CLDN10: variants seen among roughly 807,000 people sequenced by gnomAD.
CLDN10 encodes the protein claudin-10.
In CLDN10, 15 loss-of-function variants were observed where a neutral mutation model predicts 22.9. That is an observed-to-expected ratio of 0.65 (90% CI 0.44 to 1.01). The LOEUF is 1.01. Among genes scored for constraint, CLDN10 ranks in the 50% least tolerant of loss-of-function variants. CLDN10 has a pLI of 0.00. For synonymous variants in CLDN10, 114 were observed against 111.4 expected (o/e 1.02, Z -0.15); for missense variants, 247 against 287.8 (o/e 0.86, Z 1.03).
At chr13:95,512,697 C>A (rs2043117822) in intron 1 of CLDN10, among the ~76,000 whole-genome samples, 1 of 152,160 alleles carries the variant, frequency 6.6e-6, no homozygotes, top group Non-Finnish European at 1.5e-5. Flanking sequence ...CCACGCTGGC[C>A]ATGCTTTCAA....
intron 1 of CLDN10, among the ~76,000 whole-genome samples, chr13:95,485,057 A>G (rs2042791196): frequency 6.6e-6 from 1 of 152,028 alleles, no homozygotes; most frequent in South Asian, 2.1e-4. Flanking sequence ...GGCAGCAGGT[A>G]ATTAGTCACA....
intron 1 of CLDN10, among the ~76,000 whole-genome samples, chr13:95,505,150 G>A (rs186224971): frequency 2.0e-5 from 3 of 152,274 alleles, no homozygotes; most frequent in Admixed American, 2.0e-4. Flanking sequence ...CCATGAAAAG[G>A]TGTGTTCCTT....
At chr13:95,474,525 T>A (rs999159718) in intron 1 of CLDN10, among the ~76,000 whole-genome samples, 8 of 152,298 alleles carry the variant, frequency 5.3e-5, no homozygotes, top group Admixed American at 3.3e-4. Context: ...GAGGCTGCTA[T>A]GAGCACAGAG....
At position 95,510,627 on chromosome 13, in the gene CLDN10, TTTGAA is replaced by T. The variant is rs199972870; in HGVS notation, c.215-49501_215-49497del. ...CCATAATCTTTTCTATACCTTCATG[TTTGAA>T]TTGTTTTTATGGCTTAAGTATATAC... is the stretch of plus-strand genomic sequence containing the variant. On this transcript the variant is annotated intron_variant, in intron 1 of 4. Transcript: ENST00000376873. Among the ~76,000 whole-genome samples the T allele has an allele frequency of 1.3e-3, 196 of 152,290 alleles. 3 individuals are homozygous for T. In the East Asian group the frequency reaches 0.035, roughly 27 times the overall value.
chr13:95,528,762 G>T (rs1346325870), intron 1 of CLDN10, among the ~76,000 whole-genome samples: 1 of 152,220 alleles, frequency 6.6e-6, no homozygotes, highest in East Asian at 1.9e-4. Context: ...CCACGGCAAA[G>T]CCACTGAAGG....
chr13:95,504,779 C>G (rs943491692), intron 1 of CLDN10, among the ~76,000 whole-genome samples: 4 of 152,066 alleles, frequency 2.6e-5, no homozygotes, highest in Admixed American at 2.0e-4. Flanking sequence ...CTCAAGTGAT[C>G]CCCCCACCTC....
chr13:95,553,619 G>C (rs2043596422), intron 1 of CLDN10, among the ~76,000 whole-genome samples: 1 of 152,242 alleles, frequency 6.6e-6, no homozygotes, highest in Non-Finnish European at 1.5e-5. Flanking sequence ...GAAAATAATA[G>C]CCCTTGCGGT....
At chr13:95,523,853 A>T (rs35458901) in intron 1 of CLDN10, among the ~76,000 whole-genome samples, 15,152 of 152,068 alleles carry the variant, frequency 0.1, 927 homozygotes, top group Middle Eastern at 0.13. Flanking sequence ...GTAGGACATT[A>T]AGCAGTTTCC....
At chr13:95,527,086 A>G (rs1282971863) in intron 1 of CLDN10, among the ~76,000 whole-genome samples, 1 of 152,020 alleles carries the variant, frequency 6.6e-6, no homozygotes, top group Non-Finnish European at 1.5e-5. Flanking sequence ...CCTGTTTTAG[A>G]CCCATTTTTG....
At chr13:95,477,735 G>A (rs1260422464) in intron 1 of CLDN10, among the ~76,000 whole-genome samples, 1 of 152,120 alleles carries the variant, frequency 6.6e-6, no homozygotes, top group Non-Finnish European at 1.5e-5. Context: ...GAGAGGCAGC[G>A]TCTCAACCCC....
chr13:95,444,672 C>A (rs570976957), intron 1 of CLDN10, among the ~76,000 whole-genome samples: 1 of 152,344 alleles, frequency 6.6e-6, no homozygotes, highest in South Asian at 2.1e-4. Flanking sequence ...GGCTAAGGGA[C>A]TCATCCAACC....
chr13:95,445,276 G>T (rs73561519), intron 1 of CLDN10, among the ~76,000 whole-genome samples: 2 of 152,190 alleles, frequency 1.3e-5, no homozygotes, highest in Non-Finnish European at 2.9e-5. Context: ...TGCACAGAGC[G>T]GGGGAGAATA....
intron 1 of CLDN10, among the ~76,000 whole-genome samples, chr13:95,499,290 C>A (rs2042959535): frequency 6.6e-6 from 1 of 152,122 alleles, no homozygotes; most frequent in Non-Finnish European, 1.5e-5. Flanking sequence ...ATCTGTAATC[C>A]CAGCACTTTG....
At chr13:95,569,010 A>T (rs2138674298) in intron 3 of CLDN10, among the ~76,000 whole-genome samples, 1 of 152,244 alleles carries the variant, frequency 6.6e-6, no homozygotes, top group Middle Eastern at 3.4e-3. Context: ...GATAATACAT[A>T]CTAGGAGGCT....
chr13:95,461,171 C>G (rs981521850), intron 1 of CLDN10, among the ~76,000 whole-genome samples: 1 of 152,140 alleles, frequency 6.6e-6, no homozygotes, highest in African/African-American at 2.4e-5. Context: ...AGGCCGGTCT[C>G]AAACTCCAAA....
chr13:95,471,416 T>TACAC (rs1355860426), intron 1 of CLDN10, among the ~76,000 whole-genome samples: 47 of 115,304 alleles, frequency 4.1e-4, no homozygotes, highest in African/African-American at 1.5e-3. Context: ...CACACACACA[T>TACAC]ATACACACAC....
intron 1 of CLDN10, among the ~76,000 whole-genome samples, chr13:95,518,634 C>T (rs1184095762): frequency 6.6e-6 from 1 of 152,070 alleles, no homozygotes; most frequent in Non-Finnish European, 1.5e-5. Context: ...TGGCGCATGC[C>T]TGTAATTCCA....
chr13:95,557,025 A>G (rs1351225401), intron 1 of CLDN10, among the ~76,000 whole-genome samples: 1 of 152,218 alleles, frequency 6.6e-6, no homozygotes, highest in Non-Finnish European at 1.5e-5. Flanking sequence ...TTGTTAACCC[A>G]TACTCCTTTC....
chr13:95,552,630 G>A (rs2043578959), upstream of CLDN10: 1 of 1,257,398 alleles, frequency 8.0e-7, no homozygotes, highest in Non-Finnish European at 1.0e-6. Flanking sequence ...GGGTCCGCTG[G>A]GCGGGGTGGT....
Sources: gnomAD v4.1 joint callset for allele counts (sites outside exome capture counted in the v4.1 genomes callset) on GRCh38, gnomAD v4.1.1 for gene constraint, MANE v1.5 for transcripts, NCBI Gene and HGNC (gene_info 2026-07-23, HGNC 2026-07-21) for gene names.